Variants in EDEM3 observed in about 807,000 individuals in gnomAD.
EDEM3 encodes ER degradation enhancing alpha-mannosidase like protein 3.
A neutral mutation model predicts 110.2 loss-of-function variants in EDEM3; 60 were observed. The ratio of observed to expected loss-of-function variants is 0.54; its 90% CI spans 0.44 to 0.67. The LOEUF (loss-of-function observed/expected upper bound fraction) is 0.67, where lower values mean the gene tolerates loss of function less well. Ranked by LOEUF, EDEM3 falls within the 30% of genes least tolerant of loss-of-function variation. EDEM3 has a pLI of 0.00. For synonymous variants in EDEM3, 352 were observed against 382.9 expected, an observed-to-expected ratio of 0.92 and a Z score of 0.94; for missense variants, 996 against 1,121.0, an observed-to-expected ratio of 0.89 and a Z score of 1.59.
At chr1:184,749,215 A>G (rs1652613345) in intron 2 of EDEM3, among the ~76,000 whole-genome samples, 1 of 152,188 alleles carries the variant, frequency 6.6e-6, no homozygotes, top group Admixed American at 6.5e-5. Context: ...TTTTTAAATT[A>G]AGAGAATAAT....
At chr1:184,734,077 TG>T (rs2102112460) in intron 5 of EDEM3, among the ~76,000 whole-genome samples, 1 of 152,350 alleles carries the variant, frequency 6.6e-6, no homozygotes, top group South Asian at 2.1e-4. Context: ...CCACAGACTC[TG>T]TGTTTCATAA....
At chr1:184,736,910 A>G in intron 4 of EDEM3, 115 bp downstream of exon 4, 1 of 825,782 alleles carries the variant, frequency 1.2e-6, no homozygotes, top group Non-Finnish European at 2.0e-6. Context: ...AGCAAAGATC[A>G]GAACATCTTT....
Position 184,744,249 on chromosome 1 carries a change from AATATATATATATATATATATAT to A in EDEM3, c.204+5276_204+5297del, listed in dbSNP as rs55959890. ...CTCAGTAATAACAGAACAAATGACAAATATATATATATATATATATATATATATATATATATATATATATGAA... is the reference window on the plus strand; with the variant it reads ...CTCAGTAATAACAGAACAAATGACAAATATATATATATATATATATATGAA... On this transcript the variant is annotated intron_variant, in intron 2 of 19. Transcript: ENST00000318130. Among the ~76,000 whole-genome samples the A allele has an allele frequency of 1.1e-3, 100 of 87,618 alleles. 2 individuals are homozygous for A. The highest frequency in any genetic ancestry group is 2.0e-3 in the East Asian group (6 of 3,056). The allele number at this position is 87,618 out of a possible 152,430, so 57.5% of individuals were successfully genotyped here. A position where few individuals can be genotyped will look rare whatever the true frequency, so the allele number is the denominator to read the frequency against.
chr1:184,749,939 G>A (rs373362693), intron 1 of EDEM3, among the ~76,000 whole-genome samples: 5 of 152,058 alleles, frequency 3.3e-5, no homozygotes, highest in Admixed American at 2.0e-4. Context: ...ATTATTTAAC[G>A]TATCTGTCTT....
At position 184,736,986 on chromosome 1, in the gene EDEM3, T is replaced by C. The variant is rs373211734; in HGVS notation, c.345+39A>G. The C allele has an allele frequency of 8.0e-6, 12 of 1,504,518 alleles. No homozygotes were observed. The East Asian group carries it at 1.1e-4, about 14-fold the overall frequency. The allele number at this position is 1,504,518 out of a possible 1,614,324, so 93.2% of individuals were successfully genotyped here. On this transcript the variant is annotated intron_variant, in intron 4 of 19. Transcript: ENST00000318130. ...CATATTCATAATACTTAAGTGTGCA[T>C]ATCATGAATAAAATAAATCCAAGAA...
In EDEM3 at chr1:184,708,259, T is replaced by G; in HGVS notation, c.1931A>C (p.Gln644Pro). The G allele has an allele frequency of 6.2e-7, 1 of 1,613,480 alleles. No homozygotes were observed. The change falls in exon 17 of 20, where the codon CAG (glutamine) becomes CCG (proline). Residue 644 changes from glutamine to proline, a missense_variant. Physicochemically the swap from Gln to Pro is moderately conservative, Grantham distance 76 (BLOSUM62 -1). Around this residue, in one of 5 missense-constraint regions of EDEM3, gnomAD observed 345 missense variants for 402.0 expected, o/e 0.86. Transcript: ENST00000318130. ...ELSSQQQKEQQLPPRAVQIVS... is the reference protein window; with the variant it reads ...ELSSQQQKEQPLPPRAVQIVS... Reference sequence around the variant, plus strand: ...AATTTGTACAGCTCGTGGAGGCAGCTGCTGTTCTTTTTGTTGCTGACTTGA... The same window carrying G: ...AATTTGTACAGCTCGTGGAGGCAGCGGCTGTTCTTTTTGTTGCTGACTTGA...
intron 7 of EDEM3, among the ~76,000 whole-genome samples, 196 bp downstream of exon 7, chr1:184,726,059 A>T (rs528456469): frequency 8.1e-4 from 124 of 152,340 alleles, no homozygotes; most frequent in Non-Finnish European, 1.6e-3. Flanking sequence ...AACAAAATGC[A>T]AAGTTGGATT....
At position 184,717,517 on chromosome 1, in the gene EDEM3, T is replaced by C. The variant is rs201630441; in HGVS notation, c.1245+23A>G. Reference sequence around the variant, plus strand: ...CAGAGAATGGAGGCTAAACTTTAAGTAAAATGGGGTATATTTTCTTACTTT... The same window carrying C: ...CAGAGAATGGAGGCTAAACTTTAAGCAAAATGGGGTATATTTTCTTACTTT... On this transcript the variant is annotated intron_variant, in intron 12 of 19. Coordinates refer to ENST00000318130, the MANE Select transcript of EDEM3 (RefSeq NM_025191.4). 24 of 1,583,118 alleles carry C rather than the reference T, an allele frequency of 1.5e-5. No individual in the cohort carries two copies. The African/African-American group carries it at 2.6e-4, about 17-fold the overall frequency.
chr1:184,752,189 T>C (rs1652806392), intron 1 of EDEM3, among the ~76,000 whole-genome samples: 1 of 152,208 alleles, frequency 6.6e-6, no homozygotes, highest in Non-Finnish European at 1.5e-5. Context: ...ACCAAAAAGC[T>C]TATTCCATGA....
chr1:184,733,861 A>T (rs538665468), intron 5 of EDEM3, among the ~76,000 whole-genome samples: 16 of 151,838 alleles, frequency 1.1e-4, no homozygotes, highest in Non-Finnish European at 2.1e-4. Context: ...AGCATTTCAA[A>T]CTGTTTGTTG....
chr1:184,709,180 G>T (rs1219282624), intron 16 of EDEM3, among the ~76,000 whole-genome samples: 1 of 152,124 alleles, frequency 6.6e-6, no homozygotes, highest in Non-Finnish European at 1.5e-5. Context: ...GGAAACATAG[G>T]TTGAGGTGAG....
At position 184,691,071 on chromosome 1, in the gene EDEM3, T is replaced by A. The variant is rs1046239; in HGVS notation, c.*2992A>T. ...AAAATCAGAAAGTGTACAATTTTTCTTTTTACTAATACTGTAAAGAAAAAG... is the reference window on the plus strand; with the variant it reads ...AAAATCAGAAAGTGTACAATTTTTCATTTTACTAATACTGTAAAGAAAAAG... On this transcript the variant is annotated 3_prime_UTR_variant, in exon 20 of 20. Transcript: ENST00000318130. The A allele has an allele frequency of 0.54, 82,181 of 152,282 alleles. 22,849 individuals are homozygous for A. Among genetic ancestry groups the A allele is most frequent in the East Asian group, 0.68 (3,508 of 5,164 alleles). The allele number at this position is 152,282 out of a possible 1,614,324, so 9.4% of individuals were successfully genotyped here.
intron 7 of EDEM3, among the ~76,000 whole-genome samples, chr1:184,725,243 T>C (rs993206886): frequency 2.6e-5 from 4 of 151,708 alleles, no homozygotes; most frequent in Non-Finnish European, 4.4e-5. Flanking sequence ...CTGGAAAGAG[T>C]ATGGGTTTCA....
chr1:184,739,792 A>C (rs1652034532), intron 2 of EDEM3, among the ~76,000 whole-genome samples: 1 of 152,208 alleles, frequency 6.6e-6, no homozygotes, highest in African/African-American at 2.4e-5. Context: ...TAAATGTTAT[A>C]AATTATTTTT....
In EDEM3 at chr1:184,696,456, G is replaced by T. The variant is rs542862189; in HGVS notation, c.2390-1984C>A. Among the ~76,000 whole-genome samples, 4 of 151,732 alleles carry T rather than the reference G, an allele frequency of 2.6e-5. No homozygotes were observed. In the East Asian group the frequency reaches 7.7e-4, roughly 29 times the overall value. On this transcript the variant is annotated intron_variant, in intron 19 of 19. Transcript: ENST00000318130. ...TTTTTGTTTTTTTTTAACCCGGGGTGTCCGCTGTAACCCTTTATGATGGGG... is the reference window on the plus strand; with the variant it reads ...TTTTTGTTTTTTTTTAACCCGGGGTTTCCGCTGTAACCCTTTATGATGGGG...
chr1:184,692,979 T>C lies in EDEM3; in HGVS notation c.*1084A>G, dbSNP rs976869833. 1 of 154,724 alleles carries C rather than the reference T, an allele frequency of 6.5e-6. No homozygotes were observed. The highest frequency in any genetic ancestry group is 1.5e-5 in the Non-Finnish European group (1 of 68,190). The allele number at this position is 154,724 out of a possible 1,614,324, so 9.6% of individuals were successfully genotyped here. On this transcript the variant is annotated 3_prime_UTR_variant, in exon 20 of 20. Transcript: ENST00000318130. ...GTGACAGATTCCTTAGGTGCAACTT[T>C]AGAAACCTAAGTTTCAAAGGAGAAA...
chr1:184,748,188 T>C (rs779777050), intron 2 of EDEM3, among the ~76,000 whole-genome samples: 1 of 152,164 alleles, frequency 6.6e-6, no homozygotes, highest in Non-Finnish European at 1.5e-5. Context: ...GGCTCACACC[T>C]GTAATCCCAA....
In EDEM3 at chr1:184,726,240, C is replaced by T. The variant is rs549069169; in HGVS notation, c.747+15G>A. ...TGCCCAATACCCAGGATATCAAAGA[C>T]CGTAAAAAGCAAACCTCAAATATTG... On this transcript the variant is annotated intron_variant, in intron 7 of 19. Coordinates refer to ENST00000318130, the MANE Select transcript of EDEM3 (RefSeq NM_025191.4). The T allele has an allele frequency of 5.0e-6, 8 of 1,611,214 alleles. No homozygotes were observed. In the African/African-American group the frequency reaches 1.1e-4, roughly 22 times the overall value.
At chr1:184,697,853 T>C (rs1649407698) in intron 19 of EDEM3, among the ~76,000 whole-genome samples, 2 of 151,698 alleles carry the variant, frequency 1.3e-5, no homozygotes. Flanking sequence ...GAAAGTTACA[T>C]AAACAAAGTG....
Sources: allele counts gnomAD v4.1 joint callset (sites outside exome capture counted in the v4.1 genomes callset), GRCh38; gene constraint gnomAD v4.1.1; regional missense constraint gnomAD v4.1.1; transcripts MANE v1.5; gene names NCBI Gene and HGNC (gene_info 2026-07-23, HGNC 2026-07-21).